Variants in ERC2 observed in about 807,000 individuals in gnomAD.
ERC2 encodes ELKS/RAB6-interacting/CAST family member 2.
A neutral mutation model predicts 114.8 loss-of-function variants in ERC2; 42 were observed. That is an observed-to-expected ratio of 0.37 (90% CI 0.29 to 0.47). The LOEUF is 0.47. Ranked by LOEUF, ERC2 falls within the 20% of genes least tolerant of loss-of-function variation. The probability of loss-of-function intolerance (pLI) is 0.99; values close to 1 mark genes in which losing one functional copy is unlikely to be tolerated. For synonymous variants in ERC2, 454 were observed against 425.5 expected (o/e 1.07, Z -0.82); for missense variants, 939 against 1,150.7 (o/e 0.82, Z 2.66).
intron 14 of ERC2, among the ~76,000 whole-genome samples, chr3:55,842,007 C>T (rs1559747383): frequency 6.6e-6 from 1 of 152,156 alleles, no homozygotes; most frequent in East Asian, 1.9e-4. Context: ...AGGGGACTCA[C>T]ACTCAGCCTT....
At chr3:55,891,337 T>C (rs563024847) in intron 13 of ERC2, among the ~76,000 whole-genome samples, 9 of 151,684 alleles carry the variant, frequency 5.9e-5, no homozygotes, top group East Asian at 5.8e-4. Context: ...CCACATCACA[T>C]AGGCAAAATA....
chr3:55,859,048 T>C (rs1254732666), intron 14 of ERC2, among the ~76,000 whole-genome samples: 1 of 152,182 alleles, frequency 6.6e-6, no homozygotes, highest in Non-Finnish European at 1.5e-5. Flanking sequence ...ATTCTATTAG[T>C]TGGACATGGC....
At chr3:55,737,777 G>A (rs1180810674) in intron 14 of ERC2, among the ~76,000 whole-genome samples, 3 of 152,170 alleles carry the variant, frequency 2.0e-5, no homozygotes, top group South Asian at 4.1e-4. Context: ...TACAAGCACA[G>A]GCACTATTTT....
chr3:56,377,961 C>T (rs537928945), intron 2 of ERC2, among the ~76,000 whole-genome samples: 7 of 152,242 alleles, frequency 4.6e-5, no homozygotes, highest in African/African-American at 1.4e-4. Context: ...ATTTTGCATG[C>T]ATGTATGTGA....
At position 56,435,041 on chromosome 3, in the gene ERC2, G is replaced by T; in HGVS notation, c.-34C>A. 3 of 1,514,304 alleles carry T rather than the reference G, an allele frequency of 2.0e-6. No homozygotes were observed. The highest frequency in any genetic ancestry group is 2.7e-6 in the Non-Finnish European group (3 of 1,122,844). 93.8% of individuals were successfully genotyped at this position (1,514,304 alleles called of 1,614,324 possible). ...TATTATGAGGTGTTACTGAAGAGAA[G>T]AAATGCTATATTAAGTTGGGGTTTG... On this transcript the variant is annotated 5_prime_UTR_variant, in exon 2 of 18. Coordinates refer to ENST00000288221, the MANE Select transcript of ERC2 (RefSeq NM_015576.3).
chr3:56,323,006 A>G (rs570934580), intron 2 of ERC2, among the ~76,000 whole-genome samples: 3 of 152,158 alleles, frequency 2.0e-5, no homozygotes, highest in Admixed American at 6.5e-5. Flanking sequence ...TTACCTTGAG[A>G]GTAGGTTGTT....
chr3:55,634,183 C>T (rs755546455), intron 17 of ERC2, among the ~76,000 whole-genome samples: 11 of 152,176 alleles, frequency 7.2e-5, no homozygotes, highest in South Asian at 2.1e-4. Context: ...GCCCCAGACA[C>T]GAAGACAGTT....
chr3:55,824,380 G>T (rs1190192862), intron 14 of ERC2, among the ~76,000 whole-genome samples: 1 of 152,120 alleles, frequency 6.6e-6, no homozygotes, highest in Non-Finnish European at 1.5e-5. Flanking sequence ...TCAGAACAGA[G>T]ACTCCTGTTA....
intron 14 of ERC2, among the ~76,000 whole-genome samples, chr3:55,884,156 A>G (rs897195135): frequency 1.3e-5 from 2 of 152,242 alleles, no homozygotes; most frequent in African/African-American, 4.8e-5. Context: ...TGTTAATAAA[A>G]TAAAATTAAA....
intron 2 of ERC2, among the ~76,000 whole-genome samples, chr3:56,351,802 T>A (rs1479770696): frequency 6.6e-6 from 1 of 152,216 alleles, no homozygotes; most frequent in East Asian, 1.9e-4. Flanking sequence ...GACCCTACTA[T>A]GACTCATCAA....
intron 4 of ERC2, among the ~76,000 whole-genome samples, chr3:56,159,907 C>T (rs2081960416): frequency 6.6e-6 from 1 of 152,086 alleles, no homozygotes; most frequent in African/African-American, 2.4e-5. Context: ...TCTAGTACAC[C>T]ATTAATGGGC....
At chr3:55,744,887 C>A (rs4955818) in intron 14 of ERC2, among the ~76,000 whole-genome samples, 32,959 of 152,122 alleles carry the variant, frequency 0.22, 4,080 homozygotes, top group Admixed American at 0.31. Flanking sequence ...TAAGGGATCA[C>A]GCATGTAAAG....
intron 7 of ERC2, among the ~76,000 whole-genome samples, chr3:56,040,791 GATATATATA>G (rs2075144797): frequency 3.4e-5 from 5 of 145,468 alleles, no homozygotes; most frequent in Non-Finnish European, 6.0e-5. Context: ...GATATATATA[GATATATATA>G]GAGAGATACA....
At chr3:56,268,338 C>T (rs1298043749) in intron 3 of ERC2, among the ~76,000 whole-genome samples, 1 of 152,150 alleles carries the variant, frequency 6.6e-6, no homozygotes, top group African/African-American at 2.4e-5. Context: ...AATGTTCACG[C>T]AATGTCAAAT....
chr3:56,378,173 A>C (rs1331833212), intron 2 of ERC2, among the ~76,000 whole-genome samples: 2 of 150,860 alleles, frequency 1.3e-5, no homozygotes, highest in African/African-American at 4.9e-5. Context: ...AACCAACCCA[A>C]ATGTCCAACA....
At chr3:55,693,880 TGTATTTTTA>T (rs1299283585) in intron 16 of ERC2, among the ~76,000 whole-genome samples, 2 of 151,980 alleles carry the variant, frequency 1.3e-5, no homozygotes, top group African/African-American at 4.8e-5. Flanking sequence ...GGCTAATTTT[TGTATTTTTA>T]GTAGAGATGG....
chr3:55,682,551 T>A (rs1225948268), intron 17 of ERC2, among the ~76,000 whole-genome samples: 1 of 152,086 alleles, frequency 6.6e-6, no homozygotes, highest in Non-Finnish European at 1.5e-5. Context: ...AACACAACAA[T>A]GAAACGTCAC....
At chr3:55,574,570 G>T (rs1017621602) in intron 17 of ERC2, among the ~76,000 whole-genome samples, 1 of 152,160 alleles carries the variant, frequency 6.6e-6, no homozygotes, top group African/African-American at 2.4e-5. Flanking sequence ...TACTAGTTGT[G>T]TGACCTTGGG....
In ERC2 at chr3:55,761,871, G is replaced by A. The variant is rs1317405292; in HGVS notation, c.2565-26953C>T. On this transcript the variant is annotated intron_variant, in intron 14 of 17. Transcript: ENST00000288221. ...GGCCTGGGCGAAGGAGCGAGACTCC[G>A]TCTCAAAAAAAAAAAAAAAAAAAGT... Among the ~76,000 whole-genome samples, 6 of 135,902 alleles carry A rather than the reference G, an allele frequency of 4.4e-5. No homozygotes were observed. The East Asian group carries it at 6.5e-4, about 15-fold the overall frequency. The allele number at this position is 135,902 out of a possible 152,430, so 89.2% of individuals were successfully genotyped here.
Sources: gnomAD v4.1 joint callset for allele counts (sites outside exome capture counted in the v4.1 genomes callset) on GRCh38, gnomAD v4.1.1 for gene constraint, MANE v1.5 for transcripts, NCBI Gene and HGNC (gene_info 2026-07-23, HGNC 2026-07-21) for gene names.